TMEM132B: variants seen among roughly 807,000 people sequenced by gnomAD.
TMEM132B encodes transmembrane protein 132B.
TMEM132B carries 18 observed loss-of-function variants against 90.8 expected under a neutral mutation model. The ratio of observed to expected loss-of-function variants is 0.20; its 90% confidence interval spans 0.14 to 0.29. The LOEUF (loss-of-function observed/expected upper bound fraction) is 0.29, where lower values mean the gene tolerates loss of function less well. Ranked by LOEUF, TMEM132B falls within the 10% of genes least tolerant of loss-of-function variation. The pLI is 1.00. For missense variants in TMEM132B, 1,096 were observed against 1,326.8 expected (o/e 0.83, Z 2.70); for synonymous variants, 504 against 523.3 (o/e 0.96, Z 0.50).
intron 1 of TMEM132B, among the ~76,000 whole-genome samples, chr12:125,238,364 ACCAAAAAAAAAACAAAAAAAAAC>A (rs1325474717): frequency 4.7e-5 from 6 of 127,718 alleles, no homozygotes; most frequent in African/African-American, 1.2e-4. Context: ...AAAAAAAAAA[ACCAAAAAAAAAACAAAAAAAAAC>A]CAAAAAAACA....
chr12:125,628,653 T>C (rs955391627), intron 5 of TMEM132B, among the ~76,000 whole-genome samples: 4 of 152,188 alleles, frequency 2.6e-5, no homozygotes, highest in Non-Finnish European at 4.4e-5. Flanking sequence ...CTTAACTTGA[T>C]ATGATCCCAT....
intron 2 of TMEM132B, among the ~76,000 whole-genome samples, chr12:125,367,130 T>C (rs1878158144): frequency 6.6e-6 from 1 of 152,218 alleles, no homozygotes; most frequent in South Asian, 2.1e-4. Flanking sequence ...AAAATGCTCT[T>C]CTGGTAATTC....
chr12:125,238,991 T>C (rs1159157147), intron 1 of TMEM132B, among the ~76,000 whole-genome samples: 1 of 152,144 alleles, frequency 6.6e-6, no homozygotes, highest in Admixed American at 6.5e-5. Context: ...AGAGGGAGAC[T>C]GAGTTTCAGT....
chr12:125,195,481 CT>C (rs1872904774), intron 1 of TMEM132B, among the ~76,000 whole-genome samples: 1 of 144,460 alleles, frequency 6.9e-6, no homozygotes, highest in Admixed American at 7.3e-5. Context: ...TCACTGCAAC[CT>C]CTGCCTCCCG....
At chr12:125,269,327 C>A (rs1034166367) in intron 1 of TMEM132B, among the ~76,000 whole-genome samples, 3 of 152,302 alleles carry the variant, frequency 2.0e-5, no homozygotes, top group Admixed American at 6.5e-5. Flanking sequence ...ATAATGATTC[C>A]TTGGCTGCAG....
At chr12:125,264,485 G>T (rs941270480) in intron 1 of TMEM132B, among the ~76,000 whole-genome samples, 1 of 152,220 alleles carries the variant, frequency 6.6e-6, no homozygotes. Flanking sequence ...GGGCCCAAGC[G>T]AAGCAAGGTG....
At chr12:125,482,919 A>G (rs1882087497) in intron 3 of TMEM132B, among the ~76,000 whole-genome samples, 1 of 152,212 alleles carries the variant, frequency 6.6e-6, no homozygotes, top group Admixed American at 6.5e-5. Context: ...GCAGCCATAA[A>G]AAAGGATGAG....
chr12:125,416,273 C>T (rs1880009295), intron 3 of TMEM132B, among the ~76,000 whole-genome samples: 1 of 152,338 alleles, frequency 6.6e-6, no homozygotes, highest in East Asian at 1.9e-4. Context: ...CTTCCCTACA[C>T]AGTCTCATTG....
chr12:125,254,931 C>T (rs1054276585), intron 1 of TMEM132B, among the ~76,000 whole-genome samples: 5 of 151,950 alleles, frequency 3.3e-5, no homozygotes, highest in Admixed American at 6.6e-5. Flanking sequence ...GCAATCCACC[C>T]GCCTCAGCCT....
At chr12:125,414,384 C>T (rs1008780126) in intron 2 of TMEM132B, among the ~76,000 whole-genome samples, 7 of 151,906 alleles carry the variant, frequency 4.6e-5, no homozygotes, top group African/African-American at 1.7e-4. Context: ...ATCTTTGCTT[C>T]CCATCAATCT....
intron 1 of TMEM132B, among the ~76,000 whole-genome samples, chr12:125,245,351 C>T (rs1031274405): frequency 9.2e-5 from 14 of 151,504 alleles, no homozygotes; most frequent in Admixed American, 3.3e-4. Flanking sequence ...AAAGACCCCC[C>T]GCAACCAGGC....
chr12:125,649,192 C>T (rs530546071), intron 6 of TMEM132B, among the ~76,000 whole-genome samples: 2 of 152,258 alleles, frequency 1.3e-5, no homozygotes, highest in African/African-American at 4.8e-5. Flanking sequence ...ATAAATGGTT[C>T]TCAGACCTTT....
At chr12:125,339,440 T>C (rs1199695953) in intron 1 of TMEM132B, among the ~76,000 whole-genome samples, 3 of 152,110 alleles carry the variant, frequency 2.0e-5, no homozygotes, top group African/African-American at 7.2e-5. Context: ...CTTGACCACA[T>C]GTTGGCAAAT....
chr12:125,647,934 G>T, intron 6 of TMEM132B, among the ~76,000 whole-genome samples: 1 of 145,656 alleles, frequency 6.9e-6, no homozygotes. Flanking sequence ...TTAAGTTTTA[G>T]GGTACATGTG....
chr12:125,342,827 G>T (rs898250871), intron 1 of TMEM132B, among the ~76,000 whole-genome samples: 1 of 152,144 alleles, frequency 6.6e-6, no homozygotes, highest in African/African-American at 2.4e-5. Context: ...GCTGCCACTG[G>T]TGGCCTTTTG....
chr12:125,378,366 C>T (rs113686384), intron 2 of TMEM132B, among the ~76,000 whole-genome samples: 15 of 152,342 alleles, frequency 9.8e-5, no homozygotes, highest in African/African-American at 3.6e-4. Flanking sequence ...CACGTACCAT[C>T]AAATCCAATG....
At chr12:125,329,261 C>T (rs1470399877) in intron 1 of TMEM132B, among the ~76,000 whole-genome samples, 1 of 152,226 alleles carries the variant, frequency 6.6e-6, no homozygotes, top group African/African-American at 2.4e-5. Flanking sequence ...TCTTGGTCTT[C>T]CAGCCTCTAG....
intron 3 of TMEM132B, among the ~76,000 whole-genome samples, chr12:125,491,195 T>C (rs1882341891): frequency 6.6e-6 from 1 of 152,172 alleles, no homozygotes; most frequent in Non-Finnish European, 1.5e-5. Flanking sequence ...TCCTAAATTT[T>C]GGGATAATTT....
At position 125,369,846 on chromosome 12, in the gene TMEM132B, C is replaced by T. The variant is rs189742935; in HGVS notation, c.959+19503C>T. ...GGCGGATCACCTGAGGTCAGGAGTT[C>T]GAGACCAGCCTGGCCAACATGGTGA... is the stretch of plus-strand genomic sequence containing the variant. On this transcript the variant is annotated intron_variant, in intron 2 of 8. Coordinates refer to ENST00000682704, the MANE Select transcript of TMEM132B (RefSeq NM_001366854.1). Among the ~76,000 whole-genome samples the T allele has an allele frequency of 3.7e-3, 568 of 152,170 alleles. 3 individuals carry two copies. Among genetic ancestry groups the T allele is most frequent in the African/African-American group, 0.013 (545 of 41,512 alleles).
Sources: gnomAD v4.1 joint callset for allele counts (sites outside exome capture counted in the v4.1 genomes callset) on GRCh38, gnomAD v4.1.1 for gene constraint, MANE v1.5 for transcripts, NCBI Gene and HGNC (gene_info 2026-07-23, HGNC 2026-07-21) for gene names.